Variants in DEAF1 observed in about 807,000 individuals in gnomAD.
The protein encoded by DEAF1 is DEAF1 transcription factor.
In DEAF1, 53 loss-of-function variants were observed where a neutral mutation model predicts 58.9. The ratio of observed to expected loss-of-function variants is 0.90; its 90% CI spans 0.72 to 1.13. DEAF1 has a LOEUF of 1.13. DEAF1 is among the 50% of genes most tolerant of loss of function. The probability of loss-of-function intolerance (pLI) is 0.00; values close to 1 mark genes in which losing one functional copy is unlikely to be tolerated. For synonymous variants in DEAF1, 385 were observed against 340.4 expected, an observed-to-expected ratio of 1.13 and a Z score of -1.44; for missense variants, 685 against 791.4, an observed-to-expected ratio of 0.87 and a Z score of 1.61.
intron 1 of DEAF1, chr11:700,319 G>A: frequency 1.6e-6 from 2 of 1,274,288 alleles, no homozygotes; most frequent in East Asian, 4.6e-5. Context: ...TTGAGGTCAG[G>A]AGTTTGAGAC....
chr11:704,431 G>C (rs1021610448), intron 1 of DEAF1: 1 of 1,288,038 alleles, frequency 7.8e-7, no homozygotes, highest in Non-Finnish European at 1.0e-6. Context: ...TGACCTGTCT[G>C]TGGCCCCCAG....
rs746968084 is a variant in DEAF1 at position 688,068 on chromosome 11, G to C, written c.518-11C>G. 2.0e-5 allele frequency: 32 copies of C among 1,613,682 alleles called. No homozygotes were observed. Among genetic ancestry groups the C allele is most frequent in the Non-Finnish European group, 2.6e-5 (31 of 1,179,932 alleles). On this transcript the variant is annotated splice_polypyrimidine_tract_variant and intron_variant, in intron 3 of 11. Transcript: ENST00000382409. This position sits in a 1 kb window ranked among gnomAD's most constrained non-coding sequence, Gnocchi z 4.3. ...GAGGAGACTGAGGACCTTGGGCAGAGAAAGTGTTTGAAGGTGAGAGGCCGG... is the reference window on the plus strand; with the variant it reads ...GAGGAGACTGAGGACCTTGGGCAGACAAAGTGTTTGAAGGTGAGAGGCCGG...
chr11:672,283 C>T (rs571284797), intron 10 of DEAF1, among the ~76,000 whole-genome samples: 4 of 151,812 alleles, frequency 2.6e-5, no homozygotes, highest in East Asian at 3.9e-4. Context: ...TAGTAGAATC[C>T]GTAACAAACC....
intron 10 of DEAF1, among the ~76,000 whole-genome samples, chr11:659,266 C>T (rs6598006): frequency 0.37 from 55,173 of 150,424 alleles, 11,622 homozygotes; most frequent in East Asian, 0.55. Context: ...GGCATGGTGG[C>T]ATGCACCTCT....
At chr11:651,355 G>A (rs1055058729) in intron 11 of DEAF1, 1 of 317,478 alleles carries the variant, frequency 3.1e-6, no homozygotes, top group South Asian at 2.5e-5. Context: ...TGGGAGGATC[G>A]CCCGAAGCCA....
At chr11:653,373 T>C (rs1858881572) in intron 11 of DEAF1, among the ~76,000 whole-genome samples, 1 of 148,258 alleles carries the variant, frequency 6.7e-6, no homozygotes, top group South Asian at 2.2e-4. Context: ...GGACGCTCTC[T>C]CTCGCGTGGC....
chr11:648,281 G>A (rs1322593289), intron 11 of DEAF1, among the ~76,000 whole-genome samples: 1 of 144,494 alleles, frequency 6.9e-6, no homozygotes, highest in Non-Finnish European at 1.5e-5. Flanking sequence ...TGCAAGCTCC[G>A]CCTCCCGGGT....
At chr11:651,843 G>A (rs1273801924) in intron 11 of DEAF1, among the ~76,000 whole-genome samples, 2 of 152,222 alleles carry the variant, frequency 1.3e-5, no homozygotes, top group Admixed American at 6.5e-5. Flanking sequence ...CTGAGATGGC[G>A]CCACTACACT....
At chr11:667,774 A>G (rs1859620974) in intron 10 of DEAF1, among the ~76,000 whole-genome samples, 1 of 151,344 alleles carries the variant, frequency 6.6e-6, no homozygotes, top group Non-Finnish European at 1.5e-5. Context: ...GCATCACTGC[A>G]CTCCAGCCTG....
chr11:699,017 T>C (rs1361049433), upstream of DEAF1: 4 of 1,098,558 alleles, frequency 3.6e-6, no homozygotes, highest in Non-Finnish European at 5.5e-6. Context: ...GAGGGGGGTG[T>C]TCCTTGACAG....
upstream of DEAF1, chr11:698,785 G>A: frequency 6.7e-7 from 1 of 1,486,634 alleles, no homozygotes; most frequent in South Asian, 1.1e-5. Context: ...ATAAAGCAGG[G>A]GTGGTTCCTG....
At chr11:679,567 C>T in intron 8 of DEAF1, 121 bp downstream of exon 8, 2 of 1,497,390 alleles carry the variant, frequency 1.3e-6, no homozygotes, top group East Asian at 4.5e-5. Context: ...CAACAAACGC[C>T]TGGTTCAAGG....
At chr11:671,556 G>A (rs1023460164) in intron 10 of DEAF1, among the ~76,000 whole-genome samples, 5 of 151,470 alleles carry the variant, frequency 3.3e-5, no homozygotes, top group African/African-American at 1.2e-4. Context: ...GTCTTCAGGA[G>A]TAGAAACACT....
intron 10 of DEAF1, among the ~76,000 whole-genome samples, chr11:666,739 T>TGTG (rs1477531862): frequency 6.6e-6 from 1 of 150,690 alleles, no homozygotes; most frequent in African/African-American, 2.4e-5. Flanking sequence ...ATTAGCCAGG[T>TGTG]GTGGTGGTGC....
chr11:672,104 T>TG (rs1355982256), intron 10 of DEAF1, among the ~76,000 whole-genome samples: 6 of 152,224 alleles, frequency 3.9e-5, no homozygotes, highest in African/African-American at 1.4e-4. Flanking sequence ...GGAAGGCTTC[T>TG]GGACAATCAC....
intron 10 of DEAF1, among the ~76,000 whole-genome samples, chr11:654,400 C>T (rs1050016626): frequency 2.6e-5 from 4 of 151,000 alleles, no homozygotes; most frequent in South Asian, 2.1e-4. Flanking sequence ...CCTCTGACCT[C>T]GTGATCCACC....
chr11:655,156 C>T (rs1006650187), intron 10 of DEAF1, among the ~76,000 whole-genome samples: 1 of 152,088 alleles, frequency 6.6e-6, no homozygotes, highest in African/African-American at 2.4e-5. Flanking sequence ...GAAAATCAAA[C>T]TCAGGAGTCC....
upstream of DEAF1, among the ~76,000 whole-genome samples, chr11:698,600 G>T (rs1486642160): frequency 6.6e-6 from 1 of 152,146 alleles, no homozygotes; most frequent in African/African-American, 2.4e-5. Context: ...GCTGGGTCTG[G>T]CCCAGGTTCA....
chr11:696,038 C>T (rs1026316626), upstream of DEAF1, among the ~76,000 whole-genome samples: 11 of 152,182 alleles, frequency 7.2e-5, no homozygotes, highest in African/African-American at 2.4e-4. Context: ...TCCTGCACCC[C>T]GAAGAGCTCC....
Sources: gnomAD v4.1 joint callset for allele counts (sites outside exome capture counted in the v4.1 genomes callset) on GRCh38, gnomAD v4.1.1 for gene constraint, Gnocchi (gnomAD v3.1) non-coding constraint, MANE v1.5 for transcripts, NCBI Gene and HGNC (gene_info 2026-07-23, HGNC 2026-07-21) for gene names.